Variants in METTL15 observed in about 807,000 individuals in gnomAD.
METTL15 encodes 12S rRNA N(4)-cytidine methyltransferase METTL15.
METTL15 carries 34 observed loss-of-function variants against 38.3 expected under a neutral mutation model. That is an observed-to-expected ratio of 0.89 (90% CI 0.68 to 1.18). The LOEUF (loss-of-function observed/expected upper bound fraction) is 1.18. Ranked by LOEUF, METTL15 falls within the 50% of genes most tolerant of loss-of-function variation. The pLI is 0.00. For missense variants in METTL15, 438 were observed against 498.4 expected, an observed-to-expected ratio of 0.88 and a Z score of 1.15; for synonymous variants, 162 against 170.9, an observed-to-expected ratio of 0.95 and a Z score of 0.41.
chr11:28,249,935 T>G (rs1193937805), intron 4 of METTL15, among the ~76,000 whole-genome samples: 3 of 151,956 alleles, frequency 2.0e-5, no homozygotes, highest in Non-Finnish European at 4.4e-5. Context: ...CCATGTGTAT[T>G]CAGTGTTTAG....
intron 3 of METTL15, among the ~76,000 whole-genome samples, chr11:28,161,133 T>C (rs1285482134): frequency 6.6e-6 from 1 of 150,870 alleles, no homozygotes; most frequent in Non-Finnish European, 1.5e-5. Flanking sequence ...TTTTGTTTTT[T>C]GTTTTTTGAG....
intron 3 of METTL15, among the ~76,000 whole-genome samples, chr11:28,189,349 T>C (rs1851617446): frequency 6.6e-6 from 1 of 151,266 alleles, no homozygotes; most frequent in African/African-American, 2.4e-5. Flanking sequence ...TCCCAAAGAA[T>C]GGAACAAAGC....
chr11:28,321,686 A>T (rs1849473991), intron 6 of METTL15, among the ~76,000 whole-genome samples: 2 of 152,122 alleles, frequency 1.3e-5, no homozygotes, highest in Non-Finnish European at 2.9e-5. Flanking sequence ...GGAGCAATTA[A>T]TACATTGGAA....
chr11:28,290,615 T>C (rs1856474540), intron 5 of METTL15, among the ~76,000 whole-genome samples: 2 of 152,152 alleles, frequency 1.3e-5, no homozygotes, highest in South Asian at 2.1e-4. Flanking sequence ...TTACACAAAA[T>C]AGTGAAGAGG....
intron 3 of METTL15, among the ~76,000 whole-genome samples, chr11:28,114,534 C>T (rs1229049462): frequency 1.3e-5 from 2 of 150,930 alleles, no homozygotes; most frequent in African/African-American, 2.4e-5. Context: ...CACTGCAACC[C>T]CCGCCTCCTG....
intron 4 of METTL15, among the ~76,000 whole-genome samples, chr11:28,352,802 C>T (rs1850053713): frequency 6.6e-6 from 1 of 152,138 alleles, no homozygotes; most frequent in Non-Finnish European, 1.5e-5. Flanking sequence ...ATCCAGGCAA[C>T]AGCAAAAACT....
chr11:28,481,468 CA>C (rs983677179), intron 6 of METTL15, among the ~76,000 whole-genome samples: 1 of 152,146 alleles, frequency 6.6e-6, no homozygotes, highest in Non-Finnish European at 1.5e-5. Flanking sequence ...CCAATTGTTC[CA>C]ATTGTTGGGG....
intron 4 of METTL15, among the ~76,000 whole-genome samples, chr11:28,217,962 C>A (rs933985190): frequency 2.0e-5 from 3 of 152,068 alleles, no homozygotes; most frequent in Admixed American, 2.0e-4. Flanking sequence ...GTTACTGTAG[C>A]CTTGTAGTGT....
chr11:28,237,120 CTG>C (rs1356084904), intron 4 of METTL15, among the ~76,000 whole-genome samples: 13 of 152,080 alleles, frequency 8.5e-5, no homozygotes, highest in Non-Finnish European at 1.6e-4. Flanking sequence ...GTGGCATTCT[CTG>C]TATTTCCTGA....
At chr11:28,232,335 A>G (rs940677819) in intron 4 of METTL15, among the ~76,000 whole-genome samples, 3 of 151,870 alleles carry the variant, frequency 2.0e-5, no homozygotes, top group African/African-American at 2.4e-5. Flanking sequence ...AAGGGAATCT[A>G]TATGGGAATT....
intron 6 of METTL15, among the ~76,000 whole-genome samples, chr11:28,463,181 T>A (rs1447304735): frequency 6.6e-6 from 1 of 152,134 alleles, no homozygotes; most frequent in Non-Finnish European, 1.5e-5. Flanking sequence ...CAAATAAGTC[T>A]GAAAATTTCC....
intron 3 of METTL15, among the ~76,000 whole-genome samples, chr11:28,141,863 G>T (rs1450877369): frequency 6.6e-6 from 1 of 152,094 alleles, no homozygotes; most frequent in East Asian, 1.9e-4. Flanking sequence ...TTTCACAAAG[G>T]CAGTTTCCAT....
rs932730784 is a variant in METTL15, at chr11:28,370,278, C to T, written c.*358+8242C>T. 7.3e-5 allele frequency among the ~76,000 whole-genome samples: 11 copies of T among 150,528 alleles called. 1 individual carries two copies. Among genetic ancestry groups the T allele is most frequent in the African/African-American group, 2.4e-4 (10 of 41,256 alleles). On this transcript the variant is annotated intron_variant and NMD_transcript_variant, in intron 5 of 7. Coordinates refer to the METTL15 transcript ENST00000532947. The stretch of plus-strand genomic sequence containing the variant: ...CTATACTAAAGCTTTGGGAGATCCA[C>T]TTAGCTCTCATATATGAGTGAGAAC...
chr11:28,434,682 T>A (rs898699419), intron 6 of METTL15, among the ~76,000 whole-genome samples: 1 of 152,248 alleles, frequency 6.6e-6, no homozygotes, highest in Non-Finnish European at 1.5e-5. Flanking sequence ...CTGTGTGACA[T>A]AAACTTAGTG....
At chr11:28,424,793 A>T (rs1443793985) in intron 6 of METTL15, among the ~76,000 whole-genome samples, 2 of 152,132 alleles carry the variant, frequency 1.3e-5, no homozygotes, top group Non-Finnish European at 2.9e-5. Flanking sequence ...GACTTTTTGC[A>T]TGGCTGGTAT....
At chr11:28,161,341 A>G (rs1405361692) in intron 3 of METTL15, among the ~76,000 whole-genome samples, 1 of 151,934 alleles carries the variant, frequency 6.6e-6, no homozygotes, top group Non-Finnish European at 1.5e-5. Context: ...GGCTGGCTCC[A>G]ACTCCTGGCC....
At chr11:28,251,379 T>C (rs1854736017) in intron 4 of METTL15, among the ~76,000 whole-genome samples, 1 of 152,068 alleles carries the variant, frequency 6.6e-6, no homozygotes, top group African/African-American at 2.4e-5. Flanking sequence ...TAACTTTAGG[T>C]TGAACATTCC....
At chr11:28,397,236 CA>C (rs1850580758) in intron 5 of METTL15, among the ~76,000 whole-genome samples, 1 of 151,970 alleles carries the variant, frequency 6.6e-6, no homozygotes, top group African/African-American at 2.4e-5. Flanking sequence ...CCAAAATTGA[CA>C]AATGGGATCT....
At chr11:28,292,051 ATTAT>A (rs1856538091) in intron 5 of METTL15, among the ~76,000 whole-genome samples, 1 of 151,876 alleles carries the variant, frequency 6.6e-6, no homozygotes, top group Non-Finnish European at 1.5e-5. Context: ...ACATTTATTT[ATTAT>A]TTATTTTTAT....
Sources: allele counts gnomAD v4.1 joint callset (sites outside exome capture counted in the v4.1 genomes callset), GRCh38; gene constraint gnomAD v4.1.1; transcripts MANE v1.5; gene names NCBI Gene and HGNC (gene_info 2026-07-23, HGNC 2026-07-21).